ZNF99: variants seen among roughly 807,000 people sequenced by gnomAD.
ZNF99 encodes the protein zinc finger protein ENSP00000375192.
Under a neutral mutation model 12.8 loss-of-function variants are expected in ZNF99, and 8 were observed. That is an observed-to-expected ratio of 0.62 (90% CI 0.37 to 1.13). The LOEUF (loss-of-function observed/expected upper bound fraction) is 1.13. Among genes scored for constraint, ZNF99 ranks in the 50% most tolerant of loss-of-function variants. The pLI is 0.02. For synonymous variants in ZNF99, 318 were observed against 319.0 expected (o/e 1.00, Z 0.03); for missense variants, 1,007 against 1,006.2 (o/e 1.00, Z -0.01).
At chr19:22,778,604 T>G (rs1233190544) in intron 1 of ZNF99, among the ~76,000 whole-genome samples, 2 of 152,232 alleles carry the variant, frequency 1.3e-5, no homozygotes, top group African/African-American at 4.8e-5. Context: ...AATAATTTTA[T>G]AGAGCTAGTC....
rs1445554663 is a variant in ZNF99, at chr19:22,753,287, T to C, written c.*4027A>G. 2.0e-5 allele frequency: 3 copies of C among 152,116 alleles called. No individual in the cohort carries two copies. The highest frequency in any genetic ancestry group is 4.4e-5 in the Non-Finnish European group (3 of 67,976). 9.4% of individuals were successfully genotyped at this position (152,116 alleles called of 1,614,324 possible). A position where few individuals can be genotyped will look rare whatever the true frequency, so the allele number is the denominator to read the frequency against. On this transcript the variant is annotated 3_prime_UTR_variant, in exon 4 of 4. Transcript: ENST00000596209. ...GCAAATAACTTATCTAAATTTTAGATTGAAATTATTTTTTTTACTCAACAC... is the reference window on the plus strand; with the variant it reads ...GCAAATAACTTATCTAAATTTTAGACTGAAATTATTTTTTTTACTCAACAC...
At chr19:22,769,095 AACTT>A in intron 2 of ZNF99, 99 bp downstream of exon 2, 2 of 1,301,680 alleles carry the variant, frequency 1.5e-6, no homozygotes, top group Non-Finnish European at 2.1e-6. Flanking sequence ...GGGTATCTGA[AACTT>A]ATTTATGCTA....
Position 22,756,295 on chromosome 19 carries a change from T to C in ZNF99, c.*1019A>G. 1 of 1,575,598 alleles carries C rather than the reference T, an allele frequency of 6.3e-7. No homozygotes were observed. ...TGCCACATTCTTCACATTTGTAGGT[T>C]TTCCCTCCAGTATGAATTGTTTTAT... On this transcript the variant is annotated 3_prime_UTR_variant, in exon 4 of 4. Coordinates refer to ENST00000596209, the MANE Select transcript of ZNF99 (RefSeq NM_001080409.3).
intron 3 of ZNF99, among the ~76,000 whole-genome samples, chr19:22,766,656 T>C (rs1973207378): frequency 7.8e-6 from 1 of 128,234 alleles, no homozygotes; most frequent in African/African-American, 2.8e-5. Context: ...TTCTTATTTC[T>C]TTTTTTTTTT....
At position 22,758,926 on chromosome 19, in the gene ZNF99, A is replaced by C; in HGVS notation, c.983T>G (p.Leu328Arg). Residue 328 changes from leucine to arginine, a missense_variant, in exon 4 of 4, where the codon CTT (leucine) becomes CGT (arginine). Physicochemically the swap from Leu to Arg is moderately radical, Grantham distance 102. Coordinates refer to ENST00000596209, the MANE Select transcript of ZNF99 (RefSeq NM_001080409.3). Reference sequence around the variant, plus strand: ...AGTATGAATTATCTGATGTTTTCTAAGGGCTGAGAAATGGTTAAAAGCTTT... The same window carrying C: ...AGTATGAATTATCTGATGTTTTCTACGGGCTGAGAAATGGTTAAAAGCTTT... ...CGKAFNHFSA[L>R]RKHQIIHTGK... 1.9e-6 allele frequency: 3 copies of C among 1,613,814 alleles called. No homozygotes were observed. The highest frequency in any genetic ancestry group is 2.5e-6 in the Non-Finnish European group (3 of 1,179,904).
In ZNF99 at chr19:22,752,742, A is replaced by C. The variant is rs533922023; in HGVS notation, c.*4572T>G. The C allele has an allele frequency of 6.6e-6, 1 of 152,286 alleles. No homozygotes were observed. The highest frequency in any genetic ancestry group is 1.5e-5 in the Non-Finnish European group (1 of 67,998). The allele number at this position is 152,286 out of a possible 1,614,324, so 9.4% of individuals were successfully genotyped here. A position where few individuals can be genotyped will look rare whatever the true frequency, so the allele number is the denominator to read the frequency against. On this transcript the variant is annotated 3_prime_UTR_variant, in exon 4 of 4. Transcript: ENST00000596209. ...AAAAAATGTTTAAAAAATTAAGTTT[A>C]CATATAATCTAAAAATTTATGAATG...
Position 22,763,331 on chromosome 19 carries a change from C to T in ZNF99, c.227-3649G>A, listed in dbSNP as rs1247296815. ...CATACAAATCAGTAGCTCTTCTATA[C>T]ACCAACAGCGACGAAGCAGAGAGTC... On this transcript the variant is annotated intron_variant, in intron 3 of 3. Coordinates refer to ENST00000596209, the MANE Select transcript of ZNF99 (RefSeq NM_001080409.3). 3.9e-5 allele frequency among the ~76,000 whole-genome samples: 6 copies of T among 151,948 alleles called. No individual in the cohort carries two copies. The East Asian group carries it at 1.2e-3, about 29-fold the overall frequency.
At chr19:22,777,311 TGCATGCTCTCATTTATTAGTAA>T (rs754694051) in intron 1 of ZNF99, among the ~76,000 whole-genome samples, 2 of 152,018 alleles carry the variant, frequency 1.3e-5, no homozygotes, top group Non-Finnish European at 2.9e-5. Context: ...GAAAACCAAA[TGCATGCTCTCATTTATTAGTAA>T]GAGCTAAATA....
At chr19:22,764,694 C>G (rs1158085191) in intron 3 of ZNF99, among the ~76,000 whole-genome samples, 1 of 151,576 alleles carries the variant, frequency 6.6e-6, no homozygotes, top group African/African-American at 2.4e-5. Context: ...CAATTTTCAA[C>G]AGAAGATATA....
Position 22,754,053 on chromosome 19 carries a change from T to C in ZNF99, c.*3261A>G, listed in dbSNP as rs1030657917. 7 of 455,898 alleles carry C rather than the reference T, an allele frequency of 1.5e-5. No individual in the cohort carries two copies. The highest frequency in any genetic ancestry group is 8.0e-5 in the African/African-American group (4 of 50,070). 28.2% of individuals were successfully genotyped at this position (455,898 alleles called of 1,614,324 possible). A position where few individuals can be genotyped will look rare whatever the true frequency, so the allele number is the denominator to read the frequency against. ...TTCTCTCCAGTATGATTTGATAACT[T>C]ATTAAAAACTTTGCCACATTCGACC... On this transcript the variant is annotated 3_prime_UTR_variant, in exon 4 of 4. Coordinates refer to ENST00000596209, the MANE Select transcript of ZNF99 (RefSeq NM_001080409.3).
chr19:22,777,743 T>C (rs1169692044), intron 1 of ZNF99, among the ~76,000 whole-genome samples: 2 of 152,060 alleles, frequency 1.3e-5, no homozygotes, highest in Non-Finnish European at 2.9e-5. Flanking sequence ...GGTTGGGATA[T>C]GCCAGGAGAC....
chr19:22,756,273 C>T lies in ZNF99; in HGVS notation c.*1041G>A. The T allele has an allele frequency of 1.3e-6, 2 of 1,565,620 alleles. No individual in the cohort carries two copies. Among genetic ancestry groups the T allele is most frequent in the Non-Finnish European group, 1.7e-6 (2 of 1,154,896 alleles). ...GCTGAAAGATGGTTAAAAGCTTTGCCACATTCTTCACATTTGTAGGTTTTC... is the reference window on the plus strand; with the variant it reads ...GCTGAAAGATGGTTAAAAGCTTTGCTACATTCTTCACATTTGTAGGTTTTC... On this transcript the variant is annotated 3_prime_UTR_variant, in exon 4 of 4. Coordinates refer to ENST00000596209, the MANE Select transcript of ZNF99 (RefSeq NM_001080409.3).
Position 22,755,073 on chromosome 19 carries a change from C to A in ZNF99, c.*2241G>T, listed in dbSNP as rs1896636. 1,380 of 146,644 alleles carry A rather than the reference C, an allele frequency of 9.4e-3. No individual in the cohort carries two copies. The highest frequency in any genetic ancestry group is 0.012 in the Non-Finnish European group (858 of 70,328). The allele number at this position is 146,644 out of a possible 1,614,324, so 9.1% of individuals were successfully genotyped here. A position where few individuals can be genotyped will look rare whatever the true frequency, so the allele number is the denominator to read the frequency against. On this transcript the variant is annotated 3_prime_UTR_variant, in exon 4 of 4. Coordinates refer to ENST00000596209, the MANE Select transcript of ZNF99 (RefSeq NM_001080409.3). Reference sequence around the variant, plus strand: ...GGGCAACTAGGGCGAAACTCTGTTTCAAAAAAAAAAAAAAAAAAATTGAAG... The same window carrying A: ...GGGCAACTAGGGCGAAACTCTGTTTAAAAAAAAAAAAAAAAAAAATTGAAG...
chr19:22,768,094 A>G (rs894802818), intron 3 of ZNF99, among the ~76,000 whole-genome samples: 1 of 152,218 alleles, frequency 6.6e-6, no homozygotes, highest in African/African-American at 2.4e-5. Context: ...ACTTGAAGGG[A>G]AATTACCAAA....
intron 3 of ZNF99, among the ~76,000 whole-genome samples, chr19:22,762,411 A>C (rs917384032): frequency 3.3e-5 from 5 of 152,166 alleles, no homozygotes; most frequent in African/African-American, 1.2e-4. Context: ...ATTTCTGCAA[A>C]AATGCAACCC....
At chr19:22,780,562 A>G (rs1200412904) in intron 1 of ZNF99, among the ~76,000 whole-genome samples, 1 of 151,992 alleles carries the variant, frequency 6.6e-6, no homozygotes, top group Admixed American at 6.6e-5. Flanking sequence ...GTGGTGGCAC[A>G]TATCTGTAAT....
At chr19:22,765,387 ACAGCTCGGGTGATGAGTGC>A in intron 3 of ZNF99, among the ~76,000 whole-genome samples, 1 of 152,130 alleles carries the variant, frequency 6.6e-6, no homozygotes, top group South Asian at 2.1e-4. Flanking sequence ...TGCAGTGTAT[ACAGCTCGGGTGATGAGTGC>A]ACAAAAATCC....
At chr19:22,768,284 C>A in intron 3 of ZNF99, 21 bp downstream of exon 3, 1 of 1,613,068 alleles carries the variant, frequency 6.2e-7, no homozygotes, top group Non-Finnish European at 8.5e-7. Flanking sequence ...TGTGTTGTTT[C>A]TTGTATTCAC....
At chr19:22,772,278 G>A (rs1973281916) in intron 1 of ZNF99, among the ~76,000 whole-genome samples, 1 of 152,094 alleles carries the variant, frequency 6.6e-6, no homozygotes, top group South Asian at 2.1e-4. Flanking sequence ...TTATTGATTG[G>A]ATATACACCA....
Sources: gnomAD v4.1 joint callset for allele counts (sites outside exome capture counted in the v4.1 genomes callset) on GRCh38, gnomAD v4.1.1 for gene constraint, MANE v1.5 for transcripts, NCBI Gene and HGNC (gene_info 2026-07-23, HGNC 2026-07-21) for gene names.